Variants in CACNA1B observed in about 807,000 individuals in gnomAD.
CACNA1B encodes calcium voltage-gated channel subunit alpha1 B, also known as voltage-dependent N-type calcium channel subunit alpha-1B.
Under a neutral mutation model 247.2 loss-of-function variants are expected in CACNA1B, and 70 were observed. That is an observed-to-expected ratio of 0.28 (90% CI 0.23 to 0.35). The LOEUF (loss-of-function observed/expected upper bound fraction) is 0.35, where lower values mean the gene tolerates loss of function less well. Among genes scored for constraint, CACNA1B ranks in the 10% least tolerant of loss-of-function variants. The probability of loss-of-function intolerance (pLI) is 1.00; values close to 1 mark genes in which losing one functional copy is unlikely to be tolerated. For missense variants in CACNA1B, 2,367 were observed against 3,197.4 expected (o/e 0.74, Z 6.26); for synonymous variants, 1,231 against 1,294.4 (o/e 0.95, Z 1.05).
At chr9:137,878,982 C>G in intron 1 of CACNA1B, 72 bp from the exon 2 acceptor site, 2 of 953,370 alleles carry the variant, frequency 2.1e-6, no homozygotes, top group African/African-American at 1.6e-5. Flanking sequence ...GGCTGCTGCA[C>G]TGGGCTCTGC....
chr9:137,944,166 C>T (rs1957766588), intron 6 of CACNA1B, among the ~76,000 whole-genome samples: 2 of 152,126 alleles, frequency 1.3e-5, no homozygotes, highest in Non-Finnish European at 2.9e-5. Context: ...CTTTTCCTTC[C>T]TTCATGATTG....
In CACNA1B at chr9:138,046,976, G is replaced by C; in HGVS notation, c.3486G>C (p.Leu1162Phe). 1.2e-6 allele frequency: 2 copies of C among 1,613,656 alleles called. No homozygotes were observed. The highest frequency in any genetic ancestry group is 1.1e-5 in the South Asian group (1 of 91,020). ...FEVVILVVIA[L>F]SSIALAAEDP... ...TGGTCATTCTCGTGGTCATCGCCTT[G>C]AGCAGCATCGCCCTGGCTGCTGAGG... is the stretch of plus-strand genomic sequence containing the variant. Residue 1162 changes from leucine to phenylalanine, a missense_variant, in exon 22 of 47, where the codon TTG becomes TTC. This residue lies in a region of CACNA1B where 631 missense variants were observed against 631.1 expected (regional missense o/e 1.00). Coordinates refer to ENST00000371372, the MANE Select transcript of CACNA1B (RefSeq NM_000718.4).
At chr9:138,021,371 C>T (rs1164016611) in intron 18 of CACNA1B, among the ~76,000 whole-genome samples, 3 of 152,248 alleles carry the variant, frequency 2.0e-5, no homozygotes, top group Admixed American at 6.5e-5. Flanking sequence ...CGCTTTCATT[C>T]GTGCAAAGTG....
At chr9:137,960,671 G>T (rs1958010573) in intron 10 of CACNA1B, among the ~76,000 whole-genome samples, 1 of 151,954 alleles carries the variant, frequency 6.6e-6, no homozygotes, top group African/African-American at 2.4e-5. Context: ...GGAGGCCAGC[G>T]CGGCTGGAGT....
chr9:138,120,369 G>A lies in CACNA1B; in HGVS notation c.6235G>A (p.Gly2079Ser). The part of the protein sequence containing the change: ...KGPSLSADMD[G>S]APSSAVGPGL... ...GCCCAGCCTGTCTGCCGATATGGAT[G>A]GCGGTGCGTGCGGAGGGGCCCGGGG... Residue 2079 changes from glycine (G) to serine (S), a missense_variant, in exon 45 of 47, where the codon GGC becomes AGC. Gly to Ser is a moderately conservative substitution (Grantham distance 56). Transcript: ENST00000371372. 6.5e-7 allele frequency: 1 copy of A among 1,550,346 alleles called. No individual in the cohort carries two copies. Among genetic ancestry groups the A allele is most frequent in the Non-Finnish European group, 8.7e-7 (1 of 1,154,478 alleles).
intron 3 of CACNA1B, among the ~76,000 whole-genome samples, chr9:137,908,462 G>A (rs1440419489): frequency 6.6e-6 from 1 of 151,838 alleles, no homozygotes; most frequent in Non-Finnish European, 1.5e-5. Flanking sequence ...GTTACAGTGA[G>A]CCAAGATCAC....
intron 15 of CACNA1B, among the ~76,000 whole-genome samples, chr9:137,992,666 C>T (rs1958445637): frequency 6.6e-6 from 1 of 152,106 alleles, no homozygotes; most frequent in South Asian, 2.1e-4. Context: ...GGAACATTCT[C>T]TAAGATGGAC....
chr9:138,024,692 A>G (rs1036129631), intron 19 of CACNA1B, among the ~76,000 whole-genome samples: 1 of 152,150 alleles, frequency 6.6e-6, no homozygotes, highest in East Asian at 1.9e-4. Flanking sequence ...GCAGTGGCGC[A>G]ATCATGGCTC....
At chr9:138,103,537 C>T (rs1193702256) in intron 38 of CACNA1B, among the ~76,000 whole-genome samples, 2 of 152,122 alleles carry the variant, frequency 1.3e-5, no homozygotes, top group Non-Finnish European at 2.9e-5. Flanking sequence ...CTCCAGGCCT[C>T]CCTCCTGGGT....
At chr9:138,109,978 T>C (rs1961566067) in intron 39 of CACNA1B, among the ~76,000 whole-genome samples, 2 of 152,178 alleles carry the variant, frequency 1.3e-5, no homozygotes, top group South Asian at 4.2e-4. Flanking sequence ...TGCTTGAACC[T>C]GGGAGTCGGA....
rs754114761 is a variant in CACNA1B, at chr9:137,986,890, G to A, written c.1974+36G>A. ...TGCTCTGCACATTTGCGGCCTGCCC[G>A]GCTCCCGTCTCCCCTGGGTGCTGGG... On this transcript the variant is annotated intron_variant, in intron 15 of 46. Transcript: ENST00000371372. The surrounding 1 kb of genome is among the most constrained non-coding windows in gnomAD (Gnocchi z 6.0). The A allele has an allele frequency of 2.1e-5, 31 of 1,491,606 alleles. No homozygotes were observed. The highest frequency in any genetic ancestry group is 2.8e-5 in the African/African-American group (2 of 71,978). 92.4% of individuals were successfully genotyped at this position (1,491,606 alleles called of 1,614,324 possible).
intron 6 of CACNA1B, among the ~76,000 whole-genome samples, chr9:137,941,269 T>G (rs531408991): frequency 1.1e-4 from 16 of 152,272 alleles, no homozygotes; most frequent in Middle Eastern, 3.4e-3. Context: ...TTTTATATAC[T>G]AACAGTGACC....
chr9:137,938,230 A>C (rs1212515263), intron 6 of CACNA1B, among the ~76,000 whole-genome samples: 1 of 152,160 alleles, frequency 6.6e-6, no homozygotes, highest in African/African-American at 2.4e-5. Context: ...CGCTACTACC[A>C]AGCAAGCACT....
intron 15 of CACNA1B, among the ~76,000 whole-genome samples, chr9:138,006,430 T>G (rs961486158): frequency 2.6e-5 from 4 of 152,296 alleles, no homozygotes; most frequent in Admixed American, 2.6e-4. Context: ...GATGGCGCTG[T>G]TTCGTCTCTC....
chr9:138,099,281 C>T lies in CACNA1B; in HGVS notation c.5222+2670C>T, dbSNP rs983747713. Among the ~76,000 whole-genome samples, 6 of 152,364 alleles carry T rather than the reference C, an allele frequency of 3.9e-5. No homozygotes were observed. In the South Asian group the frequency reaches 1.2e-3, roughly 32 times the overall value. ...TGTGTTTTGTGCACATGTGCATGCA[C>T]AAGGCGCGCACGTGTGTGCATGTTG... On this transcript the variant is annotated intron_variant, in intron 37 of 46. Coordinates refer to ENST00000371372, the MANE Select transcript of CACNA1B (RefSeq NM_000718.4).
At position 137,910,778 on chromosome 9, in the gene CACNA1B, G is replaced by A. The variant is rs376729728; in HGVS notation, c.531-2402G>A. Reference sequence around the variant, plus strand: ...AGGCAGTAATGCTCGTTCGCCTGCCGCCACCTCCTGCAGAGTGGCCTGATT... The same window carrying A: ...AGGCAGTAATGCTCGTTCGCCTGCCACCACCTCCTGCAGAGTGGCCTGATT... On this transcript the variant is annotated intron_variant, in intron 3 of 46. Coordinates refer to ENST00000371372, the MANE Select transcript of CACNA1B (RefSeq NM_000718.4). Among the ~76,000 whole-genome samples the A allele has an allele frequency of 7.9e-5, 12 of 152,268 alleles. No individual in the cohort carries two copies. In the East Asian group the frequency reaches 1.7e-3, roughly 22 times the overall value.
rs1352432211 is a variant in CACNA1B, at chr9:138,047,012, C to T, written c.3522C>T (p.Arg1174=). The T allele has an allele frequency of 3.1e-6, 5 of 1,612,448 alleles. No homozygotes were observed. Among genetic ancestry groups the T allele is most frequent in the African/African-American group, 2.7e-5 (2 of 74,924 alleles). ...CCCTGGCTGCTGAGGACCCAGTGCG[C>T]ACAGACTCGCCCAGGAACAACGTGA... ...SIALAAEDPV[R]TDSPRNNALK... The change falls in exon 22 of 47, where the codon CGC becomes CGT. Residue 1174 remains arginine (R), a synonymous_variant. Transcript: ENST00000371372.
intron 15 of CACNA1B, among the ~76,000 whole-genome samples, chr9:137,997,132 G>A (rs1366614348): frequency 6.6e-6 from 1 of 152,222 alleles, no homozygotes; most frequent in East Asian, 1.9e-4. Flanking sequence ...TCAGCCAGAG[G>A]TGAGAGGAGC....
At chr9:137,911,174 G>T (rs1213302130) in intron 3 of CACNA1B, among the ~76,000 whole-genome samples, 1 of 152,022 alleles carries the variant, frequency 6.6e-6, no homozygotes, top group Non-Finnish European at 1.5e-5. Flanking sequence ...ATATGTGGGG[G>T]TTTATTTCTG....
Sources: gnomAD v4.1 joint callset for allele counts (sites outside exome capture counted in the v4.1 genomes callset) on GRCh38, gnomAD v4.1.1 for gene constraint, gnomAD v4.1.1 regional missense constraint, Gnocchi (gnomAD v3.1) non-coding constraint, MANE v1.5 for transcripts, NCBI Gene and HGNC (gene_info 2026-07-23, HGNC 2026-07-21) for gene names.